The following MTAP variants were observed in gnomAD, a reference collection of about 807,000 sequenced individuals.
The protein encoded by MTAP is S-methyl-5'-thioadenosine phosphorylase.
A neutral mutation model predicts 33.6 loss-of-function variants in MTAP; 33 were observed. The observed-to-expected ratio is 0.98, with a 90% confidence interval of 0.74 to 1.31. The LOEUF (loss-of-function observed/expected upper bound fraction) is 1.31. MTAP is among the 40% of genes most tolerant of loss of function. The pLI, the probability that MTAP is intolerant of heterozygous loss-of-function variation, is 0.00. For synonymous variants in MTAP, 148 were observed against 125.7 expected (o/e 1.18, Z -1.19); for missense variants, 367 against 360.0 (o/e 1.02, Z -0.16).
rs117830816 is a variant in MTAP, at chr9:21,819,117, G to T, written c.347+915G>T. Reference sequence around the variant, plus strand: ...TTTTAAGGCTAAATGGTATTCTGTTGTGTATATATACCACATTTTCTTTTT... The same window carrying T: ...TTTTAAGGCTAAATGGTATTCTGTTTTGTATATATACCACATTTTCTTTTT... On this transcript the variant is annotated intron_variant, in intron 4 of 7. Transcript: ENST00000644715. Among the ~76,000 whole-genome samples the T allele has an allele frequency of 6.8e-4, 102 of 149,276 alleles. 1 individual carries two copies. The East Asian group carries it at 0.013, about 19-fold the overall frequency.
In MTAP at chr9:21,913,361, C is replaced by A. The variant is rs567140788; in HGVS notation, c.148-17647C>A. ...AAAGAACAAAGCTGGAGGCATCACG[C>A]TACCTGACTTCAAACTATATTACAA... is the stretch of plus-strand genomic sequence containing the variant. On this transcript the variant is annotated intron_variant, in intron 1 of 1. Transcript: ENST00000577563. Among the ~76,000 whole-genome samples the A allele has an allele frequency of 3.8e-3, 575 of 152,302 alleles. 11 individuals carry two copies. The East Asian group carries it at 0.047, about 13-fold the overall frequency.
At chr9:21,850,126 A>G (rs778189628) in intron 5 of MTAP, among the ~76,000 whole-genome samples, 7 of 152,242 alleles carry the variant, frequency 4.6e-5, no homozygotes, top group South Asian at 2.1e-4. Context: ...GATTGGATCC[A>G]GTGAGCAAGA....
chr9:21,894,531 G>A (rs1051664747), intron 1 of MTAP, among the ~76,000 whole-genome samples: 1 of 149,722 alleles, frequency 6.7e-6, no homozygotes, highest in East Asian at 2.0e-4. Context: ...CTCACTCATA[G>A]GTGGGAATTG....
chr9:21,837,983 T>G lies in MTAP; in HGVS notation c.423T>G (p.Ala141=). Residue 141 remains alanine (A), a synonymous_variant, in exon 5 of 8, where the codon GCT becomes GCG. Coordinates refer to ENST00000644715, the MANE Select transcript of MTAP (RefSeq NM_002451.4). ...GAGGAGTGTGCCATATTCCAATGGCTGAGCCGTTTTGCCCCAAAACGAGAG... is the reference window on the plus strand; with the variant it reads ...GAGGAGTGTGCCATATTCCAATGGCGGAGCCGTTTTGCCCCAAAACGAGAG... The part of the protein sequence containing the change: ...CARGVCHIPM[A]EPFCPKTREV... 2 of 1,614,104 alleles carry G rather than the reference T, an allele frequency of 1.2e-6. No homozygotes were observed. Among genetic ancestry groups the G allele is most frequent in the Non-Finnish European group, 8.5e-7 (1 of 1,179,972 alleles).
At chr9:21,811,508 A>C (rs561267110) in intron 1 of MTAP, 1 of 260,946 alleles carries the variant, frequency 3.8e-6, no homozygotes, top group South Asian at 4.1e-5. Flanking sequence ...ATGTGATGTC[A>C]AGACACAACA....
intron 4 of MTAP, among the ~76,000 whole-genome samples, chr9:21,823,540 T>C (rs1268411126): frequency 2.6e-5 from 4 of 152,236 alleles, no homozygotes; most frequent in Non-Finnish European, 5.9e-5. Context: ...TGGCTGTCCT[T>C]AACATTTTTT....
Position 21,864,772 on chromosome 9 carries a change from A to G in MTAP, c.*2758A>G. 2.0e-6 allele frequency: 2 copies of G among 985,444 alleles called. No homozygotes were observed. Among genetic ancestry groups the G allele is most frequent in the African/African-American group, 3.5e-5 (2 of 57,342 alleles). The allele number at this position is 985,444 out of a possible 1,614,324, so 61.0% of individuals were successfully genotyped here. On this transcript the variant is annotated 3_prime_UTR_variant, in exon 8 of 8. Coordinates refer to ENST00000644715, the MANE Select transcript of MTAP (RefSeq NM_002451.4). The stretch of plus-strand genomic sequence containing the variant: ...AGAGGGAGTGACTAAGGTGACCTCC[A>G]ACCTGCCCTGAGCCAGCTGCCCTGC...
intron 1 of MTAP, among the ~76,000 whole-genome samples, chr9:21,897,757 T>C (rs941008845): frequency 3.9e-5 from 6 of 152,066 alleles, no homozygotes; most frequent in Admixed American, 6.6e-5. Flanking sequence ...GAAGAACATT[T>C]CATGCTCATG....
At chr9:21,923,264 A>G (rs1398971167) in intron 1 of MTAP, among the ~76,000 whole-genome samples, 1 of 152,104 alleles carries the variant, frequency 6.6e-6, no homozygotes, top group Non-Finnish European at 1.5e-5. Flanking sequence ...TACACTTTTC[A>G]TCCCTGTTAT....
downstream of MTAP, among the ~76,000 whole-genome samples, chr9:21,868,386 A>T (rs1016309879): frequency 2.6e-5 from 4 of 152,142 alleles, no homozygotes; most frequent in Non-Finnish European, 5.9e-5. Flanking sequence ...GACTGAAAAA[A>T]CCATGCCACA....
intron 1 of MTAP, among the ~76,000 whole-genome samples, chr9:21,926,589 T>G (rs963361579): frequency 1.3e-5 from 2 of 152,218 alleles, no homozygotes; most frequent in Non-Finnish European, 2.9e-5. Flanking sequence ...CTACAGCTAA[T>G]CTGGATAGTA....
chr9:21,846,064 G>T (rs553104314), intron 5 of MTAP, among the ~76,000 whole-genome samples: 2 of 152,322 alleles, frequency 1.3e-5, no homozygotes, highest in South Asian at 4.1e-4. Context: ...CAAGCCAGAT[G>T]TAGAAGAATG....
chr9:21,876,461 G>A (rs1826010003), intron 1 of MTAP, among the ~76,000 whole-genome samples: 2 of 152,052 alleles, frequency 1.3e-5, no homozygotes, highest in African/African-American at 4.8e-5. Context: ...TGTCCAGGAT[G>A]GTATTGCCTA....
chr9:21,832,139 G>A (rs1008597222), intron 4 of MTAP, among the ~76,000 whole-genome samples: 2 of 152,148 alleles, frequency 1.3e-5, no homozygotes, highest in Non-Finnish European at 2.9e-5. Context: ...GGAGAGGTTC[G>A]ACTTTGCTTT....
chr9:21,882,184 A>C (rs1234702583), intron 1 of MTAP, among the ~76,000 whole-genome samples: 1 of 151,952 alleles, frequency 6.6e-6, no homozygotes, highest in African/African-American at 2.4e-5. Context: ...TCACCATATT[A>C]AAAAAATTAA....
At chr9:21,812,164 G>C (rs1473198866) in intron 1 of MTAP, 1 of 197,600 alleles carries the variant, frequency 5.1e-6, no homozygotes, top group Non-Finnish European at 1.0e-5. Context: ...ATGAAGTGCA[G>C]GTGGGGGAAC....
At chr9:21,930,345 C>T in intron 1 of MTAP, 1 of 206,078 alleles carries the variant, frequency 4.9e-6, no homozygotes, top group Admixed American at 5.4e-5. Flanking sequence ...ACCCAAGGAG[C>T]CTTCTGTGTT....
chr9:21,833,134 T>G (rs1322138754), intron 4 of MTAP, among the ~76,000 whole-genome samples: 1 of 152,190 alleles, frequency 6.6e-6, no homozygotes, highest in East Asian at 1.9e-4. Context: ...AGGGGCACTC[T>G]TGATACCAGA....
At chr9:21,855,786 A>C (rs140793614) in intron 6 of MTAP, among the ~76,000 whole-genome samples, 18 of 152,332 alleles carry the variant, frequency 1.2e-4, no homozygotes, top group African/African-American at 4.3e-4. Context: ...CTTAGGTTCC[A>C]CAATTAGCCA....
Sources: allele counts gnomAD v4.1 joint callset (sites outside exome capture counted in the v4.1 genomes callset), GRCh38; gene constraint gnomAD v4.1.1; transcripts MANE v1.5; gene names NCBI Gene and HGNC (gene_info 2026-07-23, HGNC 2026-07-21).